Variants in IGHMBP2 observed in about 807,000 individuals in gnomAD.
IGHMBP2 encodes immunoglobulin mu DNA binding protein 2.
In IGHMBP2, 81 loss-of-function variants were observed where a neutral mutation model predicts 96.0. The observed-to-expected ratio is 0.84, with a 90% CI of 0.71 to 1.01. IGHMBP2 has a LOEUF of 1.01. Ranked by LOEUF, IGHMBP2 falls within the 50% of genes least tolerant of loss-of-function variation. The pLI, the probability that IGHMBP2 is intolerant of heterozygous loss-of-function variation, is 0.00. For missense variants in IGHMBP2, 1,227 were observed against 1,306.3 expected (o/e 0.94, Z 0.94); for synonymous variants, 557 against 548.9 (o/e 1.01, Z -0.21).
At chr11:68,935,645 A>C (rs1343562787) in intron 12 of IGHMBP2, among the ~76,000 whole-genome samples, 1 of 151,972 alleles carries the variant, frequency 6.6e-6, no homozygotes, top group Non-Finnish European at 1.5e-5. Context: ...CTGGGGTGGC[A>C]GCTGGGGGCG....
Position 68,915,001 on chromosome 11 carries a change from G to A in IGHMBP2, c.890G>A (p.Arg297Lys). 1 of 1,614,134 alleles carries A rather than the reference G, an allele frequency of 6.2e-7. No individual in the cohort carries two copies. Among genetic ancestry groups the A allele is most frequent in the Non-Finnish European group, 8.5e-7 (1 of 1,180,020 alleles). ...AGTGCCCAGATTGTTGCAGATATCA[G>A]GAAGGACATCGACCAGGTCTTTGTA... ...SDSAQIVADIRKDIDQVFVKN... is the reference protein window; with the variant it reads ...SDSAQIVADIKKDIDQVFVKN... Residue 297 changes from arginine to lysine, a missense_variant, in exon 6 of 15, where the codon AGG (arginine) becomes AAG (lysine). Arg to Lys is a conservative substitution (Grantham distance 26). This residue lies in a region of IGHMBP2 where 507 missense variants were observed against 496.9 expected (regional missense o/e 1.02). Coordinates refer to ENST00000255078, the MANE Select transcript of IGHMBP2 (RefSeq NM_002180.3).
rs1393984692 is a variant in IGHMBP2 at position 68,906,077 on chromosome 11, A to G, written c.95A>G (p.Gln32Arg). 5.0e-6 allele frequency: 8 copies of G among 1,614,158 alleles called. No homozygotes were observed. Among genetic ancestry groups the G allele is most frequent in the Non-Finnish European group, 5.9e-6 (7 of 1,180,020 alleles). ...DAEVEERRSW[Q>R]ENISLKELQS... Reference sequence around the variant, plus strand: ...TACCGGGTGTCTTCCAGGTCCTGGCAGGAGAACATCTCTCTGAAAGAGCTC... The same window carrying G: ...TACCGGGTGTCTTCCAGGTCCTGGCGGGAGAACATCTCTCTGAAAGAGCTC... Residue 32 changes from glutamine (Q) to arginine (R), a missense_variant, in exon 2 of 15, where the codon CAG becomes CGG. Coordinates refer to ENST00000255078, the MANE Select transcript of IGHMBP2 (RefSeq NM_002180.3).
At chr11:68,938,439 T>C (rs1209695705) in intron 14 of IGHMBP2, 85 bp downstream of exon 14, 58 of 1,282,600 alleles carry the variant, frequency 4.5e-5, no homozygotes, top group Middle Eastern at 5.2e-4. Context: ...GGCAGACTTG[T>C]TCCAGTCGGA....
In IGHMBP2 at chr11:68,906,198, C is replaced by T. The variant is rs755468547; in HGVS notation, c.216C>T (p.Tyr72=). 2.4e-5 allele frequency: 39 copies of T among 1,613,958 alleles called. No homozygotes were observed. The highest frequency in any genetic ancestry group is 3.0e-5 in the Non-Finnish European group (35 of 1,180,000). ...TGGTCACCTTTGAGCCCAGGCGATACGGGTCCGCGGCAGCTCTTCCCAGTA... is the reference window on the plus strand; with the variant it reads ...TGGTCACCTTTGAGCCCAGGCGATATGGGTCCGCGGCAGCTCTTCCCAGTA... ...RLLVTFEPRR[Y]GSAAALPSNS... The change falls in exon 2 of 15, where the codon TAC becomes TAT. Residue 72 remains tyrosine, a synonymous_variant. Transcript: ENST00000255078.
At chr11:68,938,141 G>A in intron 13 of IGHMBP2, 41 bp from the exon 14 acceptor site, 3 of 1,609,724 alleles carry the variant, frequency 1.9e-6, no homozygotes, top group East Asian at 2.2e-5. Context: ...GGGGCCAGGT[G>A]TTGTCTTTCC....
At chr11:68,907,768 C>T (rs10896377) in intron 2 of IGHMBP2, among the ~76,000 whole-genome samples, 27,998 of 151,912 alleles carry the variant, frequency 0.18, 3,028 homozygotes, top group Non-Finnish European at 0.25. Context: ...GTCGCTCAGG[C>T]CGGAGTGCAG....
rs149692625 is a variant in IGHMBP2 at position 68,905,219 on chromosome 11, G to A, written c.87-850G>A. ...TGCTGTCAGGCAGTCTGCTTCCAGAGTTTGCAGTCAGCCATATGTGGGTAG... is the reference window on the plus strand; with the variant it reads ...TGCTGTCAGGCAGTCTGCTTCCAGAATTTGCAGTCAGCCATATGTGGGTAG... On this transcript the variant is annotated intron_variant, in intron 1 of 14. Coordinates refer to ENST00000255078, the MANE Select transcript of IGHMBP2 (RefSeq NM_002180.3). 3.1e-3 allele frequency among the ~76,000 whole-genome samples: 471 copies of A among 152,346 alleles called. 3 individuals carry two copies. The highest frequency in any genetic ancestry group is 0.011 in the African/African-American group (445 of 41,590).
rs747627986 is a variant in IGHMBP2, at chr11:68,933,900, G to A, written c.1524G>A (p.Ser508=). ...LFELEEEDEQ[S]KGNPGEVRLV... ...AGCTGGAGGAGGAGGACGAACAGTC[G>A]AAAGGGAACCCTGGTGAGCTTGCTT... The change falls in exon 10 of 15, where the codon TCG becomes TCA. Residue 508 remains serine, a synonymous_variant. Coordinates refer to ENST00000255078, the MANE Select transcript of IGHMBP2 (RefSeq NM_002180.3). The A allele has an allele frequency of 7.5e-6, 12 of 1,592,922 alleles. No individual in the cohort carries two copies. Among genetic ancestry groups the A allele is most frequent in the Admixed American group, 3.5e-5 (2 of 56,962 alleles).
At chr11:68,935,795 G>A (rs1175985491) in intron 12 of IGHMBP2, among the ~76,000 whole-genome samples, 1 of 152,238 alleles carries the variant, frequency 6.6e-6, no homozygotes, top group African/African-American at 2.4e-5. Context: ...TGTGGTGTGT[G>A]GGCTTTCCCA....
chr11:68,931,940 T>C (rs1306817578), intron 8 of IGHMBP2, among the ~76,000 whole-genome samples: 1 of 148,246 alleles, frequency 6.7e-6, no homozygotes, highest in South Asian at 2.2e-4. Flanking sequence ...GGGGAAGACG[T>C]TGGGTGGCGT....
rs745371869 is a variant in IGHMBP2 at position 68,936,498 on chromosome 11, C to T, written c.2018C>T (p.Thr673Ile). The T allele has an allele frequency of 2.5e-6, 4 of 1,613,768 alleles. No individual in the cohort carries two copies. Among genetic ancestry groups the T allele is most frequent in the Non-Finnish European group, 3.4e-6 (4 of 1,179,952 alleles). ...AAGCCCCAGGGACCTGCTACGTCCA[C>T]CAGGACCGGAAGCCAGCGGCAGGAG... ...ATKPQGPATS[T>I]RTGSQRQEGG... Residue 673 changes from threonine (T) to isoleucine (I), a missense_variant, in exon 13 of 15, where the codon ACC becomes ATC. By Grantham distance (89) the Thr-to-Ile change is moderately conservative. Transcript: ENST00000255078.
chr11:68,911,499 G>A lies in IGHMBP2; in HGVS notation c.607G>A (p.Ala203Thr), dbSNP rs768493454. The A allele has an allele frequency of 3.0e-5, 49 of 1,614,038 alleles. No individual in the cohort carries two copies. The highest frequency in any genetic ancestry group is 3.3e-4 in the Middle Eastern group (2 of 6,078). The change falls in exon 5 of 15, where the codon GCG becomes ACG. Residue 203 changes from alanine to threonine, a missense_variant. Around this residue, in one of 3 missense-constraint regions of IGHMBP2, gnomAD observed 507 missense variants for 496.9 expected, o/e 1.02. Transcript: ENST00000255078. Reference protein sequence around the residue: ...DTSQKEAVLFALSQKELAIIH... With the variant: ...DTSQKEAVLFTLSQKELAIIH... ...CTCCCAGAAAGAAGCGGTTTTATTT[G>A]CGCTGTCTCAGAAAGAACTTGCCAT... is the stretch of plus-strand genomic sequence containing the variant.
Position 68,936,173 on chromosome 11 carries a change from G to A in IGHMBP2, c.1757-64G>A, listed in dbSNP as rs145153716. 366 of 1,583,604 alleles carry A rather than the reference G, an allele frequency of 2.3e-4. 1 individual carries two copies. In the East Asian group the frequency reaches 5.7e-3, roughly 25 times the overall value. On this transcript the variant is annotated intron_variant, in intron 12 of 14. Coordinates refer to ENST00000255078, the MANE Select transcript of IGHMBP2 (RefSeq NM_002180.3). Reference sequence around the variant, plus strand: ...TTTGGTGGTGGTTACTGATAAGGGCGTAGGAGCCTGACTGTGTTTCTTAGT... The same window carrying A: ...TTTGGTGGTGGTTACTGATAAGGGCATAGGAGCCTGACTGTGTTTCTTAGT...
intron 5 of IGHMBP2, among the ~76,000 whole-genome samples, chr11:68,912,845 G>A (rs965744498): frequency 1.3e-5 from 2 of 151,314 alleles, no homozygotes; most frequent in African/African-American, 4.9e-5. Context: ...TTCGAGACCA[G>A]CCTGGCTAAC....
At chr11:68,929,152 C>T in intron 7 of IGHMBP2, 31 bp from the exon 8 acceptor site, 1 of 1,606,706 alleles carries the variant, frequency 6.2e-7, no homozygotes, top group East Asian at 2.2e-5. Context: ...AGCTGTGCCC[C>T]TGGAGACTCC....
intron 7 of IGHMBP2, among the ~76,000 whole-genome samples, chr11:68,923,607 T>G (rs1393582869): frequency 6.6e-6 from 1 of 152,208 alleles, no homozygotes; most frequent in Non-Finnish European, 1.5e-5. Context: ...GGATCAGTGC[T>G]TAGTCCAGGG....
intron 2 of IGHMBP2, 136 bp downstream of exon 2, chr11:68,906,374 C>A: frequency 1.0e-6 from 1 of 971,052 alleles, no homozygotes; most frequent in East Asian, 2.5e-5. Flanking sequence ...ATCAGAAGTC[C>A]AACAATTGAT....
chr11:68,909,189 G>C lies in IGHMBP2; in HGVS notation c.547+558G>C, dbSNP rs1251373408. Among the ~76,000 whole-genome samples the C allele has an allele frequency of 1.8e-4, 8 of 43,840 alleles. 1 individual carries two copies. The highest frequency in any genetic ancestry group is 5.5e-4 in the Admixed American group (3 of 5,408). The allele number at this position is 43,840 out of a possible 152,430, so 28.8% of individuals were successfully genotyped here. A position where few individuals can be genotyped will look rare whatever the true frequency, so the allele number is the denominator to read the frequency against. ...ATTTTTTTTTGGCGGGGGGGGTGGA[G>C]GGGGGGGGCGGATGGAGTCTCGCTC... On this transcript the variant is annotated intron_variant, in intron 4 of 14. Coordinates refer to ENST00000255078, the MANE Select transcript of IGHMBP2 (RefSeq NM_002180.3).
intron 7 of IGHMBP2, among the ~76,000 whole-genome samples, chr11:68,920,354 C>T (rs1858834385): frequency 1.3e-5 from 2 of 152,246 alleles, no homozygotes; most frequent in Non-Finnish European, 2.9e-5. Flanking sequence ...ACATTGACCT[C>T]CTGAGTTGCT....
Sources: gnomAD v4.1 joint callset for allele counts (sites outside exome capture counted in the v4.1 genomes callset) on GRCh38, gnomAD v4.1.1 for gene constraint, gnomAD v4.1.1 regional missense constraint, MANE v1.5 for transcripts, NCBI Gene and HGNC (gene_info 2026-07-23, HGNC 2026-07-21) for gene names.